Variants in RGS17 observed in about 807,000 individuals in gnomAD.
The protein encoded by RGS17 is regulator of G protein signaling 17.
In RGS17, 12 loss-of-function variants were observed where a neutral mutation model predicts 25.5. The observed-to-expected ratio is 0.47, with a 90% CI of 0.30 to 0.76. The LOEUF (loss-of-function observed/expected upper bound fraction) is 0.76, where lower values mean the gene tolerates loss of function less well. Ranked by LOEUF, RGS17 falls within the 30% of genes least tolerant of loss-of-function variation. The pLI is 0.07. For missense variants in RGS17, 196 were observed against 242.2 expected (o/e 0.81, Z 1.27); for synonymous variants, 71 against 76.9 (o/e 0.92, Z 0.40).
At chr6:153,075,178 TTTTG>T (rs1306949002) in intron 1 of RGS17, among the ~76,000 whole-genome samples, 6 of 152,314 alleles carry the variant, frequency 3.9e-5, no homozygotes, top group East Asian at 1.9e-4. Context: ...TTGTTTAAAC[TTTTG>T]TTTAACTGTC....
At chr6:153,020,107 AAAAAATATATATAT>A (rs1779225825) in intron 4 of RGS17, among the ~76,000 whole-genome samples, 1 of 47,854 alleles carries the variant, frequency 2.1e-5, no homozygotes, top group African/African-American at 8.9e-5. Flanking sequence ...TCTTAAAAAA[AAAAAATATATATAT>A]ATATATATAT....
At chr6:153,087,504 C>G (rs1392882320) in intron 1 of RGS17, among the ~76,000 whole-genome samples, 1 of 152,176 alleles carries the variant, frequency 6.6e-6, no homozygotes, top group Non-Finnish European at 1.5e-5. Flanking sequence ...GAAAAGATAA[C>G]TCAGGCAGAT....
chr6:153,006,880 A>C lies in RGS17; in HGVS notation c.*4694T>G, dbSNP rs1275037118. 6.6e-6 allele frequency: 1 copy of C among 152,194 alleles called. No individual in the cohort carries two copies. Among genetic ancestry groups the C allele is most frequent in the Non-Finnish European group, 1.5e-5 (1 of 68,024 alleles). The allele number at this position is 152,194 out of a possible 1,614,324, so 9.4% of individuals were successfully genotyped here. On this transcript the variant is annotated 3_prime_UTR_variant, in exon 5 of 5. Transcript: ENST00000206262. The stretch of plus-strand genomic sequence containing the variant: ...AAATATAACTTGAAATCAAATTTGT[A>C]ATTTTAAGTTCCTGATGTTTTTACA...
intron 2 of RGS17, among the ~76,000 whole-genome samples, chr6:153,043,386 C>A (rs893675832): frequency 2.0e-5 from 3 of 152,120 alleles, no homozygotes; most frequent in African/African-American, 7.2e-5. Flanking sequence ...TTCTCTCTGT[C>A]CTTATTGGCA....
At chr6:153,056,505 A>G (rs1776561476) in intron 1 of RGS17, among the ~76,000 whole-genome samples, 1 of 151,698 alleles carries the variant, frequency 6.6e-6, no homozygotes, top group Non-Finnish European at 1.5e-5. Flanking sequence ...ATTCACCTGT[A>G]AGAAGAGCCT....
At chr6:153,036,289 G>C (rs1776238340) in intron 2 of RGS17, among the ~76,000 whole-genome samples, 4 of 152,124 alleles carry the variant, frequency 2.6e-5, no homozygotes, top group Admixed American at 2.6e-4. Context: ...CTGGATTCAA[G>C]CTTTCCTCCT....
chr6:153,023,079 TA>T (rs765677201), intron 4 of RGS17, among the ~76,000 whole-genome samples: 104 of 152,072 alleles, frequency 6.8e-4, no homozygotes, highest in Non-Finnish European at 1.4e-3. Context: ...TTAACCTAAC[TA>T]ATTAAAAAAA....
chr6:153,068,107 G>A (rs368980882), intron 1 of RGS17, among the ~76,000 whole-genome samples: 15 of 152,154 alleles, frequency 9.9e-5, no homozygotes, highest in African/African-American at 3.1e-4. Context: ...ATATCCAAAC[G>A]CAGAAGAATG....
chr6:153,124,089 C>T (rs1777673815), intron 1 of RGS17, among the ~76,000 whole-genome samples: 1 of 152,090 alleles, frequency 6.6e-6, no homozygotes, highest in Admixed American at 6.5e-5. Flanking sequence ...GTTGTAGAGG[C>T]TCCTAAATTT....
chr6:153,040,901 T>C (rs555523636), intron 2 of RGS17, among the ~76,000 whole-genome samples: 1 of 151,190 alleles, frequency 6.6e-6, no homozygotes, highest in Non-Finnish European at 1.5e-5. Context: ...TGGCTGTAAA[T>C]CTCAGCACTT....
chr6:153,053,849 G>C (rs1239718803), intron 1 of RGS17, among the ~76,000 whole-genome samples: 2 of 145,790 alleles, frequency 1.4e-5, no homozygotes, highest in African/African-American at 5.1e-5. Flanking sequence ...GGGTATGGGA[G>C]TATTTATTTT....
intron 1 of RGS17, among the ~76,000 whole-genome samples, chr6:153,053,971 ATATATGTATATATGTATAT>A (rs1776502781): frequency 2.3e-5 from 1 of 43,710 alleles, no homozygotes; most frequent in Non-Finnish European, 4.0e-5. Context: ...TTATATACAT[ATATATGTATATATGTATAT>A]AATATATATA....
intron 2 of RGS17, among the ~76,000 whole-genome samples, chr6:153,036,636 T>C (rs1776246758): frequency 6.6e-6 from 1 of 152,228 alleles, no homozygotes; most frequent in African/African-American, 2.4e-5. Flanking sequence ...AACTCATCTT[T>C]GTATCCTTGG....
intron 4 of RGS17, among the ~76,000 whole-genome samples, chr6:153,012,957 C>T (rs1779149205): frequency 6.6e-6 from 1 of 152,092 alleles, no homozygotes; most frequent in Non-Finnish European, 1.5e-5. Context: ...GATTGCTACA[C>T]CCCAGGGATG....
chr6:153,020,098 C>CT (rs201619676), intron 4 of RGS17, among the ~76,000 whole-genome samples: 12,923 of 49,608 alleles, frequency 0.26, 2,093 homozygotes, highest in Non-Finnish European at 0.28. Flanking sequence ...TTGCAAATAT[C>CT]TTAAAAAAAA....
At chr6:153,081,280 T>A (rs1281575566) in intron 1 of RGS17, among the ~76,000 whole-genome samples, 1 of 152,116 alleles carries the variant, frequency 6.6e-6, no homozygotes, top group African/African-American at 2.4e-5. Context: ...GAAGTCCTCT[T>A]ATTGTTTACA....
At chr6:153,019,376 TTGA>T (rs1554234975) in intron 4 of RGS17, among the ~76,000 whole-genome samples, 1 of 152,222 alleles carries the variant, frequency 6.6e-6, no homozygotes, top group Non-Finnish European at 1.5e-5. Flanking sequence ...CTGTTTACAG[TTGA>T]TAAGAGCCTC....
At chr6:153,038,570 G>C (rs1401794695) in intron 2 of RGS17, among the ~76,000 whole-genome samples, 1 of 152,204 alleles carries the variant, frequency 6.6e-6, no homozygotes, top group East Asian at 1.9e-4. Flanking sequence ...CATGTGAGAT[G>C]AATCAGCTCT....
intron 1 of RGS17, among the ~76,000 whole-genome samples, chr6:153,098,089 A>T (rs1485390033): frequency 1.3e-5 from 2 of 152,192 alleles, no homozygotes; most frequent in Admixed American, 6.5e-5. Context: ...GGTTTCTTAG[A>T]TCGAGAAAGT....
Sources: allele counts gnomAD v4.1 joint callset (sites outside exome capture counted in the v4.1 genomes callset), GRCh38; gene constraint gnomAD v4.1.1; transcripts MANE v1.5; gene names NCBI Gene and HGNC (gene_info 2026-07-23, HGNC 2026-07-21).